Variants in INPP4B observed in about 807,000 individuals in gnomAD.
INPP4B encodes inositol polyphosphate 4-phosphatase type II.
A neutral mutation model predicts 122.5 loss-of-function variants in INPP4B; 55 were observed. The observed-to-expected ratio is 0.45, with a 90% confidence interval of 0.36 to 0.56. INPP4B has a LOEUF of 0.56. Ranked by LOEUF, INPP4B falls within the 20% of genes least tolerant of loss-of-function variation. INPP4B has a pLI of 0.00. For missense variants in INPP4B, 1,000 were observed against 1,097.7 expected (o/e 0.91, Z 1.26); for synonymous variants, 403 against 388.7 (o/e 1.04, Z -0.43).
chr4:142,837,615 T>G (rs147332873), intron 1 of INPP4B, among the ~76,000 whole-genome samples: 67 of 152,308 alleles, frequency 4.4e-4, no homozygotes, highest in African/African-American at 1.4e-3. Context: ...AAATTTTAGC[T>G]TTTGTTGTTG....
At chr4:142,579,697 T>G (rs1041495179) in intron 2 of INPP4B, among the ~76,000 whole-genome samples, 3 of 151,742 alleles carry the variant, frequency 2.0e-5, no homozygotes, top group Non-Finnish European at 4.4e-5. Context: ...GGAAACATGT[T>G]TCTTCCTGGG....
intron 23 of INPP4B, among the ~76,000 whole-genome samples, chr4:142,102,133 T>C (rs1389179822): frequency 2.0e-5 from 3 of 152,050 alleles, no homozygotes; most frequent in African/African-American, 7.2e-5. Flanking sequence ...TAATTGTGCC[T>C]TGACTTAAGC....
At chr4:142,485,537 T>G (rs565597030) in intron 2 of INPP4B, among the ~76,000 whole-genome samples, 4 of 152,242 alleles carry the variant, frequency 2.6e-5, no homozygotes, top group Non-Finnish European at 5.9e-5. Flanking sequence ...ACAAAACTAG[T>G]ATGAATATGG....
chr4:142,777,372 A>G (rs1025809692), intron 1 of INPP4B, among the ~76,000 whole-genome samples: 1 of 152,120 alleles, frequency 6.6e-6, no homozygotes, highest in Non-Finnish European at 1.5e-5. Flanking sequence ...GCCTATGGAG[A>G]GAGGAGCCCA....
intron 12 of INPP4B, among the ~76,000 whole-genome samples, chr4:142,217,470 C>A (rs1847771932): frequency 6.6e-6 from 1 of 152,094 alleles, no homozygotes; most frequent in Non-Finnish European, 1.5e-5. Flanking sequence ...TATAGACTAA[C>A]CCTAGAGTAT....
intron 2 of INPP4B, among the ~76,000 whole-genome samples, chr4:142,649,832 C>T (rs1752568302): frequency 6.6e-6 from 1 of 152,172 alleles, no homozygotes; most frequent in South Asian, 2.1e-4. Context: ...CCTAGCAAAG[C>T]AGGCCAACAT....
rs369006390 is a variant in INPP4B, at chr4:142,361,163, T to C, written c.372+41775A>G. On this transcript the variant is annotated intron_variant, in intron 7 of 25. Transcript: ENST00000262992. ...TGTTTTCTTCCATCCCCATTTAAAC[T>C]ATATTGCACTTCATGGCTACTGTGA... Among the ~76,000 whole-genome samples, 18 of 152,116 alleles carry C rather than the reference T, an allele frequency of 1.2e-4. No individual in the cohort carries two copies. The East Asian group carries it at 2.7e-3, about 23-fold the overall frequency.
At chr4:142,209,391 A>G (rs1357024926) in intron 12 of INPP4B, among the ~76,000 whole-genome samples, 2 of 152,208 alleles carry the variant, frequency 1.3e-5, no homozygotes, top group African/African-American at 4.8e-5. Flanking sequence ...TTTCAACTGT[A>G]CAAAATCAAA....
chr4:142,558,793 T>TAAAAAAAAAAAAAAAAAAAA (rs34151070), intron 2 of INPP4B, among the ~76,000 whole-genome samples: 5 of 75,546 alleles, frequency 6.6e-5, no homozygotes, highest in African/African-American at 2.5e-4. Flanking sequence ...AGACTCCCTC[T>TAAAAAAAAAAAAAAAAAAAA]AAAAAAAAAA....
At chr4:142,067,025 TCTAGTGGGTCCCTGACCCC>T (rs1763912806) in intron 25 of INPP4B, among the ~76,000 whole-genome samples, 1 of 152,166 alleles carries the variant, frequency 6.6e-6, no homozygotes, top group South Asian at 2.1e-4. Flanking sequence ...GACTGCCTCC[TCTAGTGGGTCCCTGACCCC>T]CAAGTAGCCT....
At chr4:142,462,070 T>C (rs1337392149) in intron 3 of INPP4B, among the ~76,000 whole-genome samples, 2 of 152,070 alleles carry the variant, frequency 1.3e-5, no homozygotes, top group East Asian at 3.9e-4. Context: ...ATTTTCTTTC[T>C]TTTTTTTCTT....
chr4:142,394,378 C>T (rs1226536354), intron 7 of INPP4B, among the ~76,000 whole-genome samples: 1 of 152,192 alleles, frequency 6.6e-6, no homozygotes, highest in East Asian at 1.9e-4. Context: ...ATCTCCTGAC[C>T]TCGTGATCTG....
chr4:142,695,457 T>A (rs11732693), intron 2 of INPP4B, among the ~76,000 whole-genome samples: 18,883 of 152,218 alleles, frequency 0.12, 1,224 homozygotes, highest in South Asian at 0.2. Flanking sequence ...TTATTTCCTA[T>A]GTAAAACATC....
intron 2 of INPP4B, among the ~76,000 whole-genome samples, chr4:142,724,933 T>C (rs1159519815): frequency 6.6e-6 from 1 of 152,068 alleles, no homozygotes; most frequent in Non-Finnish European, 1.5e-5. Context: ...CTAGTTAATA[T>C]AAAAATATAT....
At chr4:142,204,766 C>T (rs969304518) in intron 14 of INPP4B, among the ~76,000 whole-genome samples, 1 of 151,906 alleles carries the variant, frequency 6.6e-6, no homozygotes, top group South Asian at 2.1e-4. Flanking sequence ...CCAATGATTG[C>T]CAGCAAACCA....
chr4:142,390,376 C>T (rs1254599856), intron 7 of INPP4B, among the ~76,000 whole-genome samples: 1 of 152,052 alleles, frequency 6.6e-6, no homozygotes, highest in Non-Finnish European at 1.5e-5. Context: ...AAGGTTTTGG[C>T]CTTTTCAAAA....
chr4:142,272,077 A>T (rs1421285552), intron 9 of INPP4B, among the ~76,000 whole-genome samples: 2 of 152,154 alleles, frequency 1.3e-5, no homozygotes, highest in African/African-American at 2.4e-5. Flanking sequence ...TAGTCATGTG[A>T]CGTCTCATTT....
chr4:142,187,063 C>T (rs1471736886), intron 15 of INPP4B, among the ~76,000 whole-genome samples: 1 of 138,374 alleles, frequency 7.2e-6, no homozygotes, highest in African/African-American at 2.7e-5. Flanking sequence ...TGAGAGTAGC[C>T]AACAAGGAAC....
chr4:142,600,708 C>A (rs1240425195), intron 2 of INPP4B, among the ~76,000 whole-genome samples: 1 of 152,046 alleles, frequency 6.6e-6, no homozygotes, highest in Non-Finnish European at 1.5e-5. Flanking sequence ...AATAACAACT[C>A]TTGAATATAA....
Sources: gnomAD v4.1 joint callset for allele counts (sites outside exome capture counted in the v4.1 genomes callset) on GRCh38, gnomAD v4.1.1 for gene constraint, MANE v1.5 for transcripts, NCBI Gene and HGNC (gene_info 2026-07-23, HGNC 2026-07-21) for gene names.